Variants in PDE4B observed in about 807,000 individuals in gnomAD.
PDE4B encodes the protein phosphodiesterase 4B.
A neutral mutation model predicts 82.2 loss-of-function variants in PDE4B; 20 were observed. That is an observed-to-expected ratio of 0.24 (90% CI 0.17 to 0.35). PDE4B has a LOEUF of 0.35. Ranked by LOEUF, PDE4B falls within the 10% of genes least tolerant of loss-of-function variation. PDE4B has a pLI of 1.00. For missense variants in PDE4B, 655 were observed against 907.2 expected (o/e 0.72, Z 3.57); for synonymous variants, 320 against 318.9 (o/e 1.00, Z -0.04).
At chr1:66,185,748 T>G (rs1387865442) in intron 3 of PDE4B, among the ~76,000 whole-genome samples, 1 of 152,156 alleles carries the variant, frequency 6.6e-6, no homozygotes. Context: ...CTTTGTCAGA[T>G]GAGTAGATTG....
chr1:65,955,317 C>T (rs954774696), intron 3 of PDE4B, among the ~76,000 whole-genome samples: 1 of 151,966 alleles, frequency 6.6e-6, no homozygotes. Flanking sequence ...AAAGTGTTTC[C>T]CTAGGGCGTG....
intron 7 of PDE4B, among the ~76,000 whole-genome samples, chr1:66,276,495 C>T (rs879430272): frequency 8.5e-5 from 13 of 152,170 alleles, no homozygotes; most frequent in Non-Finnish European, 1.8e-4. Flanking sequence ...AGCAAGAAAG[C>T]GAAGTGACTG....
At chr1:66,025,351 G>T (rs190226833) in intron 3 of PDE4B, among the ~76,000 whole-genome samples, 2 of 152,162 alleles carry the variant, frequency 1.3e-5, no homozygotes, top group Admixed American at 1.3e-4. Context: ...TATAAAGATG[G>T]ATAAAAAGGA....
chr1:66,069,614 C>T (rs1656047936), intron 3 of PDE4B, among the ~76,000 whole-genome samples: 1 of 151,942 alleles, frequency 6.6e-6, no homozygotes, highest in African/African-American at 2.4e-5. Flanking sequence ...TTGGAATTAG[C>T]AGTGTTGAAA....
At chr1:65,834,411 G>C (rs1646117805) in intron 1 of PDE4B, among the ~76,000 whole-genome samples, 1 of 152,048 alleles carries the variant, frequency 6.6e-6, no homozygotes. Context: ...ACTTAGTATG[G>C]GCCTCTTACA....
chr1:65,898,119 G>A (rs1356167001), intron 1 of PDE4B, among the ~76,000 whole-genome samples: 1 of 151,934 alleles, frequency 6.6e-6, no homozygotes, highest in African/African-American at 2.4e-5. Context: ...ATGCCTTTTG[G>A]CCACTTATAT....
intron 1 of PDE4B, among the ~76,000 whole-genome samples, chr1:65,813,893 C>CA (rs5774766): frequency 0.076 from 7,840 of 103,338 alleles, 363 homozygotes; most frequent in South Asian, 0.13. Flanking sequence ...GGCACTGCGG[C>CA]AAAAAAAAAA....
At chr1:65,921,002 T>C (rs1647230751) in intron 3 of PDE4B, among the ~76,000 whole-genome samples, 1 of 123,930 alleles carries the variant, frequency 8.1e-6, no homozygotes, top group Admixed American at 1.0e-4. Flanking sequence ...GGAGTCTCGC[T>C]CTGTCGCCCA....
chr1:66,264,578 T>C (rs545294624), intron 6 of PDE4B, among the ~76,000 whole-genome samples: 12 of 152,182 alleles, frequency 7.9e-5, no homozygotes, highest in African/African-American at 2.6e-4. Flanking sequence ...CATGTGAAAA[T>C]TTCATACCAC....
chr1:65,817,246 A>T (rs947495435), intron 1 of PDE4B, among the ~76,000 whole-genome samples: 4 of 152,222 alleles, frequency 2.6e-5, no homozygotes, highest in Non-Finnish European at 5.9e-5. Flanking sequence ...AGCCTTTAAG[A>T]GAAAAGAGGC....
chr1:65,978,818 AT>A, intron 3 of PDE4B, among the ~76,000 whole-genome samples: 1 of 152,186 alleles, frequency 6.6e-6, no homozygotes. Context: ...ATCATTTAGA[AT>A]TTTATGCAGA....
chr1:65,936,487 A>G (rs114401838), intron 3 of PDE4B, among the ~76,000 whole-genome samples: 8 of 152,310 alleles, frequency 5.3e-5, no homozygotes, highest in Non-Finnish European at 8.8e-5. Flanking sequence ...TTATTATGCT[A>G]TACATGACTG....
At chr1:66,314,086 C>T (rs1658854991) in intron 7 of PDE4B, among the ~76,000 whole-genome samples, 1 of 152,148 alleles carries the variant, frequency 6.6e-6, no homozygotes, top group South Asian at 2.1e-4. Flanking sequence ...CTCTCCAGTC[C>T]TCCATATCCC....
chr1:66,256,786 C>G (rs1654265841), intron 4 of PDE4B, among the ~76,000 whole-genome samples: 1 of 152,146 alleles, frequency 6.6e-6, no homozygotes, highest in Non-Finnish European at 1.5e-5. Context: ...AGGCCAGACA[C>G]TGAGGGAAGT....
At chr1:66,355,077 G>A in intron 8 of PDE4B, 1 of 478,380 alleles carries the variant, frequency 2.1e-6, no homozygotes. Context: ...ACTATGCTGT[G>A]TTTTAATCCT....
intron 7 of PDE4B, among the ~76,000 whole-genome samples, chr1:66,295,524 G>T (rs1657445684): frequency 1.3e-5 from 2 of 152,084 alleles, no homozygotes; most frequent in African/African-American, 2.4e-5. Flanking sequence ...CACTGCCCAG[G>T]TTCAAACAAT....
intron 8 of PDE4B, among the ~76,000 whole-genome samples, chr1:66,337,110 A>G (rs1444551808): frequency 6.6e-6 from 1 of 152,218 alleles, no homozygotes; most frequent in African/African-American, 2.4e-5. Flanking sequence ...TCTGTAAGAG[A>G]GAGGGTAGAC....
At chr1:66,350,199 G>A (rs1049401128) in intron 8 of PDE4B, among the ~76,000 whole-genome samples, 3 of 151,988 alleles carry the variant, frequency 2.0e-5, no homozygotes, top group African/African-American at 7.2e-5. Flanking sequence ...TATAAAACAT[G>A]AGTCAAAAGT....
chr1:66,221,217 G>C (rs1650957714), intron 3 of PDE4B, among the ~76,000 whole-genome samples: 1 of 152,088 alleles, frequency 6.6e-6, no homozygotes, highest in Non-Finnish European at 1.5e-5. Flanking sequence ...CTAGGATAAA[G>C]AGAAATTCCA....
Sources: gnomAD v4.1 joint callset for allele counts (sites outside exome capture counted in the v4.1 genomes callset) on GRCh38, gnomAD v4.1.1 for gene constraint, MANE v1.5 for transcripts, NCBI Gene and HGNC (gene_info 2026-07-23, HGNC 2026-07-21) for gene names.